The following TENM4 variants were observed in gnomAD, a reference collection of about 807,000 sequenced individuals.
TENM4 encodes teneurin-4.
In TENM4, 82 loss-of-function variants were observed where a neutral mutation model predicts 243.3. That is an observed-to-expected ratio of 0.34 (90% confidence interval 0.28 to 0.40). The LOEUF (loss-of-function observed/expected upper bound fraction) is 0.40. Among genes scored for constraint, TENM4 ranks in the 10% least tolerant of loss-of-function variants. The pLI is 1.00. For missense variants in TENM4, 3,138 were observed against 3,673.3 expected (o/e 0.85, Z 3.77); for synonymous variants, 1,412 against 1,456.3 (o/e 0.97, Z 0.69).
intron 9 of TENM4, among the ~76,000 whole-genome samples, chr11:78,886,144 T>C (rs1258801242): frequency 6.6e-6 from 1 of 152,202 alleles, no homozygotes; most frequent in Non-Finnish European, 1.5e-5. Flanking sequence ...AATTCTTAAA[T>C]GAGTTAATTA....
intron 27 of TENM4, among the ~76,000 whole-genome samples, chr11:78,705,111 CAG>C: frequency 6.6e-6 from 1 of 152,346 alleles, no homozygotes; most frequent in African/African-American, 2.4e-5. Context: ...TCTAAAGTGA[CAG>C]GGGAATTTTC....
chr11:79,080,870 A>AT lies in TENM4; in HGVS notation c.-65-10862dup, dbSNP rs565506974. Among the ~76,000 whole-genome samples, 310 of 152,236 alleles carry AT rather than the reference A, an allele frequency of 2.0e-3. 12 individuals carry two copies. The South Asian group carries it at 0.049, about 24-fold the overall frequency. ...TGGATTGCCAATTCTCTGTAAAAAC[A>AT]TTTTTTTCCTGACTTTCTCTGGGCT... On this transcript the variant is annotated intron_variant, in intron 4 of 33. Coordinates refer to ENST00000278550, the MANE Select transcript of TENM4 (RefSeq NM_001098816.3).
At chr11:78,842,571 G>T (rs1381957942) in intron 12 of TENM4, among the ~76,000 whole-genome samples, 1 of 152,230 alleles carries the variant, frequency 6.6e-6, no homozygotes, top group East Asian at 1.9e-4. Flanking sequence ...CAGAGACAAA[G>T]CCTGTCCCAG....
chr11:78,652,876 C>A lies in TENM4; in HGVS notation c.*5182G>T, dbSNP rs1857805432. On this transcript the variant is annotated 3_prime_UTR_variant, in exon 34 of 34. Coordinates refer to ENST00000278550, the MANE Select transcript of TENM4 (RefSeq NM_001098816.3). ...ATTTTTAAAGTGCAACGGCTCACAT[C>A]CCTTGTGGAAGGCAGTGGCATGGTG... The A allele has an allele frequency of 6.6e-6, 1 of 152,144 alleles. No individual in the cohort carries two copies. The highest frequency in any genetic ancestry group is 2.4e-5 in the African/African-American group (1 of 41,406). 9.4% of individuals were successfully genotyped at this position (152,144 alleles called of 1,614,324 possible).
intron 6 of TENM4, among the ~76,000 whole-genome samples, chr11:78,912,316 G>A (rs1335135258): frequency 3.9e-5 from 6 of 152,188 alleles, no homozygotes; most frequent in Non-Finnish European, 7.4e-5. Context: ...GTGCAGTGGT[G>A]CGATCTCAGC....
intron 1 of TENM4, among the ~76,000 whole-genome samples, chr11:79,359,654 G>T (rs146420556): frequency 4.6e-5 from 7 of 152,170 alleles, no homozygotes; most frequent in Admixed American, 2.6e-4. Context: ...GAGGTCGAAG[G>T]GGGGAGGGTG....
rs751236898 is a variant in TENM4, at chr11:78,805,384, C to A, written c.2087G>T (p.Cys696Phe). 5.7e-6 allele frequency: 9 copies of A among 1,575,762 alleles called. No individual in the cohort carries two copies. Among genetic ancestry groups the A allele is most frequent in the Non-Finnish European group, 7.7e-6 (9 of 1,164,404 alleles). The stretch of plus-strand genomic sequence containing the variant: ...TCCGTGGCCTGAACACTGGTCTAAG[C>A]ATGTGGCCCTGGGGGTCTCGCAGTT... ...GTNCETPRATCLDQCSGHGTF... is the reference protein window; with the variant it reads ...GTNCETPRATFLDQCSGHGTF... Residue 696 changes from cysteine to phenylalanine, a missense_variant, in exon 15 of 34, where the codon TGC becomes TTC. By Grantham distance (205) the Cys-to-Phe change is radical (BLOSUM62 -2). This residue lies in a region of TENM4 where 2,467 missense variants were observed against 3,059.1 expected (regional missense o/e 0.81). Coordinates refer to ENST00000278550, the MANE Select transcript of TENM4 (RefSeq NM_001098816.3).
intron 1 of TENM4, among the ~76,000 whole-genome samples, chr11:79,381,462 T>TA (rs1858001251): frequency 6.6e-6 from 1 of 151,840 alleles, no homozygotes. Flanking sequence ...ACACAGGACC[T>TA]AGCCCTGTGT....
At chr11:79,377,620 C>A (rs1262248716) in intron 1 of TENM4, among the ~76,000 whole-genome samples, 1 of 152,224 alleles carries the variant, frequency 6.6e-6, no homozygotes, top group Non-Finnish European at 1.5e-5. Flanking sequence ...ATGTAAATTA[C>A]TTCTGTTCTC....
intron 2 of TENM4, among the ~76,000 whole-genome samples, chr11:79,295,848 AC>A (rs1350241711): frequency 6.0e-5 from 6 of 99,700 alleles, no homozygotes; most frequent in African/African-American, 8.8e-5. Flanking sequence ...GAAAAATTAC[AC>A]CCGTAAGTGT....
chr11:79,145,936 CT>C (rs1432236879), intron 4 of TENM4, among the ~76,000 whole-genome samples: 1 of 152,096 alleles, frequency 6.6e-6, no homozygotes, highest in South Asian at 2.1e-4. Flanking sequence ...GTATCTGAGT[CT>C]TTTGCCCATT....
intron 1 of TENM4, among the ~76,000 whole-genome samples, chr11:79,390,866 T>A (rs1233539246): frequency 6.6e-6 from 1 of 152,214 alleles, no homozygotes; most frequent in Non-Finnish European, 1.5e-5. Flanking sequence ...ATATAGTTAT[T>A]TAGAGGCTTA....
intron 6 of TENM4, among the ~76,000 whole-genome samples, chr11:78,963,289 C>T (rs1411752415): frequency 6.6e-6 from 1 of 152,240 alleles, no homozygotes; most frequent in Non-Finnish European, 1.5e-5. Context: ...AAACTCCCAA[C>T]TCTTCAGAAG....
chr11:78,685,028 C>A (rs1175869356), intron 29 of TENM4, among the ~76,000 whole-genome samples: 1 of 152,120 alleles, frequency 6.6e-6, no homozygotes, highest in Non-Finnish European at 1.5e-5. Flanking sequence ...CAGGCCCCCC[C>A]CACTCCCTCC....
At chr11:79,067,193 T>A (rs1321173326) in intron 5 of TENM4, among the ~76,000 whole-genome samples, 1 of 152,242 alleles carries the variant, frequency 6.6e-6, no homozygotes, top group Non-Finnish European at 1.5e-5. Context: ...GGTTAGAGGC[T>A]GGGCCAACCA....
At chr11:78,973,245 C>A (rs537010753) in intron 6 of TENM4, among the ~76,000 whole-genome samples, 1 of 152,360 alleles carries the variant, frequency 6.6e-6, no homozygotes, top group African/African-American at 2.4e-5. Context: ...TTTTAAGGAA[C>A]TGCCAGATTG....
intron 2 of TENM4, among the ~76,000 whole-genome samples, chr11:79,252,483 C>G (rs960461856): frequency 6.6e-6 from 1 of 152,114 alleles, no homozygotes; most frequent in Non-Finnish European, 1.5e-5. Context: ...GTGATCCGCC[C>G]GCCTCGGCCT....
chr11:79,086,233 GA>G (rs1244479383), intron 4 of TENM4, among the ~76,000 whole-genome samples: 2 of 152,204 alleles, frequency 1.3e-5, no homozygotes, highest in East Asian at 3.8e-4. Flanking sequence ...CCTGCTTTTG[GA>G]AAACAGCTGT....
chr11:79,063,724 G>GGGA (rs1343329578), intron 6 of TENM4, among the ~76,000 whole-genome samples: 1 of 152,168 alleles, frequency 6.6e-6, no homozygotes, highest in Non-Finnish European at 1.5e-5. Context: ...AAGGTCCCAA[G>GGGA]GGAGAAAGAG....
Sources: gnomAD v4.1 joint callset for allele counts (sites outside exome capture counted in the v4.1 genomes callset) on GRCh38, gnomAD v4.1.1 for gene constraint, gnomAD v4.1.1 regional missense constraint, MANE v1.5 for transcripts, NCBI Gene and HGNC (gene_info 2026-07-23, HGNC 2026-07-21) for gene names.